Variants in TMEM165 observed in about 807,000 individuals in gnomAD.
The protein encoded by TMEM165 is putative divalent cation/proton antiporter TMEM165.
Under a neutral mutation model 30.0 loss-of-function variants are expected in TMEM165, and 19 were observed. The observed-to-expected ratio is 0.63, with a 90% CI of 0.44 to 0.93. The LOEUF is 0.93. TMEM165 is among the 40% of genes least tolerant of loss of function. The probability of loss-of-function intolerance (pLI) is 0.00; values close to 1 mark genes in which losing one functional copy is unlikely to be tolerated. For synonymous variants in TMEM165, 168 were observed against 162.9 expected, an observed-to-expected ratio of 1.03 and a Z score of -0.24; for missense variants, 340 against 417.0, an observed-to-expected ratio of 0.82 and a Z score of 1.61.
At chr4:55,419,560 CA>C (rs1721879576) in intron 4 of TMEM165, among the ~76,000 whole-genome samples, 3 of 152,114 alleles carry the variant, frequency 2.0e-5, no homozygotes, top group South Asian at 2.1e-4. Flanking sequence ...ATGGGAATAG[CA>C]AGGTTTTATA....
intron 3 of TMEM165, among the ~76,000 whole-genome samples, chr4:55,439,661 A>T (rs148787736): frequency 6.6e-6 from 1 of 152,190 alleles, no homozygotes; most frequent in East Asian, 1.9e-4. Flanking sequence ...GTAGAGTAGA[A>T]TATTACTTAG....
At chr4:55,421,570 T>C in intron 4 of TMEM165, among the ~76,000 whole-genome samples, 1 of 152,262 alleles carries the variant, frequency 6.6e-6, no homozygotes, top group African/African-American at 2.4e-5. Context: ...AGTGCTGAGA[T>C]TACGCCCGGC....
chr4:55,416,882 G>A, intron 2 of TMEM165, 190 bp from the exon 3 acceptor site: 1 of 504,684 alleles, frequency 2.0e-6, no homozygotes, highest in South Asian at 2.8e-5. Flanking sequence ...GTTAGGCCTG[G>A]GCTAGACCTA....
intron 1 of TMEM165, 52 bp from the exon 2 acceptor site, chr4:55,411,562 T>C: frequency 6.7e-7 from 1 of 1,495,558 alleles, no homozygotes; most frequent in Non-Finnish European, 9.1e-7. Flanking sequence ...ACGTGCAAAA[T>C]AAAATAATTT....
chr4:55,446,300 T>C (rs896184774), intron 3 of TMEM165, among the ~76,000 whole-genome samples: 1 of 151,860 alleles, frequency 6.6e-6, no homozygotes, highest in African/African-American at 2.4e-5. Flanking sequence ...TGTTGCCTAG[T>C]CTGTTGTAGA....
intron 3 of TMEM165, chr4:55,449,474 C>T (rs764768358): frequency 6.2e-6 from 10 of 1,613,808 alleles, no homozygotes; most frequent in Admixed American, 5.0e-5. Flanking sequence ...TGCTCGTATC[C>T]GTCGGGATCT....
At chr4:55,452,954 AT>A (rs1724598086) in exon 4 of TMEM165, 6 of 832,560 alleles carry the variant, frequency 7.2e-6, no homozygotes, top group Non-Finnish European at 1.2e-5. Context: ...AAGTGAGGAA[AT>A]AAAGTATTTT....
intron 1 of TMEM165, among the ~76,000 whole-genome samples, chr4:55,402,432 T>TATATACACAC (rs1721055816): frequency 1.7e-4 from 6 of 34,936 alleles, no homozygotes; most frequent in South Asian, 2.2e-3. Context: ...TATATATATA[T>TATATACACAC]ATTTTTTTTT....
At chr4:55,451,944 G>A (rs1190883036) in intron 3 of TMEM165, among the ~76,000 whole-genome samples, 2 of 152,124 alleles carry the variant, frequency 1.3e-5, no homozygotes. Context: ...TTGAATGACT[G>A]AATGACATCT....
At chr4:55,448,941 A>G in intron 3 of TMEM165, 1 of 1,125,098 alleles carries the variant, frequency 8.9e-7, no homozygotes, top group African/African-American at 1.8e-5. Flanking sequence ...AGAAATATCA[A>G]TATGATATTC....
At chr4:55,448,657 C>A in intron 3 of TMEM165, 49 of 532,366 alleles carry the variant, frequency 9.2e-5, no homozygotes, top group East Asian at 1.3e-4. Flanking sequence ...CCTACCTCAG[C>A]CTCCCAAGTA....
chr4:55,445,582 C>CTTTTTT (rs56157186), intron 3 of TMEM165, among the ~76,000 whole-genome samples: 6 of 68,592 alleles, frequency 8.7e-5, no homozygotes, highest in Admixed American at 2.1e-4. Context: ...TTTCTATATT[C>CTTTTTT]TTTTTTTTTT....
At chr4:55,436,462 C>CA (rs1722883649) in intron 3 of TMEM165, among the ~76,000 whole-genome samples, 1 of 152,016 alleles carries the variant, frequency 6.6e-6, no homozygotes, top group African/African-American at 2.4e-5. Flanking sequence ...CTCTCAGATA[C>CA]AAAAAAATGT....
chr4:55,448,850 C>G (rs377293827), intron 3 of TMEM165: 10 of 1,613,632 alleles, frequency 6.2e-6, no homozygotes, highest in African/African-American at 1.3e-5. Flanking sequence ...GATGAACCAA[C>G]AGACTGGGAA....
chr4:55,414,382 A>G (rs1578238289), intron 2 of TMEM165, among the ~76,000 whole-genome samples: 1 of 152,098 alleles, frequency 6.6e-6, no homozygotes, highest in Admixed American at 6.5e-5. Context: ...CTGTTAAATC[A>G]TATGTGTTTA....
At chr4:55,399,792 C>T (rs1287743424) in intron 1 of TMEM165, among the ~76,000 whole-genome samples, 1 of 152,034 alleles carries the variant, frequency 6.6e-6, no homozygotes, top group Non-Finnish European at 1.5e-5. Flanking sequence ...CCTCCAGCTC[C>T]TGGACTCAGG....
At chr4:55,439,073 T>G (rs1346466751) in intron 3 of TMEM165, among the ~76,000 whole-genome samples, 1 of 152,208 alleles carries the variant, frequency 6.6e-6, no homozygotes, top group Non-Finnish European at 1.5e-5. Context: ...AAAAGGTAAC[T>G]GTCCCATCCC....
intron 3 of TMEM165, chr4:55,442,595 A>G: frequency 6.2e-7 from 1 of 1,612,536 alleles, no homozygotes; most frequent in Non-Finnish European, 8.5e-7. Context: ...CTGGGTAGAG[A>G]TGTTTGCTGA....
At chr4:55,420,736 G>GT (rs1231003158) in intron 4 of TMEM165, among the ~76,000 whole-genome samples, 5 of 152,238 alleles carry the variant, frequency 3.3e-5, no homozygotes, top group African/African-American at 1.2e-4. Context: ...TTAGTATGCA[G>GT]TTTTATCTTT....
Sources: allele counts gnomAD v4.1 joint callset (sites outside exome capture counted in the v4.1 genomes callset), GRCh38; gene constraint gnomAD v4.1.1; transcripts MANE v1.5; gene names NCBI Gene and HGNC (gene_info 2026-07-23, HGNC 2026-07-21).